CDKAL1: variants seen among roughly 807,000 people sequenced by gnomAD.
The protein encoded by CDKAL1 is threonylcarbamoyladenosine tRNA methylthiotransferase.
A neutral mutation model predicts 68.2 loss-of-function variants in CDKAL1; 32 were observed. That is an observed-to-expected ratio of 0.47 (90% CI 0.35 to 0.63). The LOEUF (loss-of-function observed/expected upper bound fraction) is 0.63, where lower values mean the gene tolerates loss of function less well. Ranked by LOEUF, CDKAL1 falls within the 30% of genes least tolerant of loss-of-function variation. The pLI is 0.00. For synonymous variants in CDKAL1, 234 were observed against 244.3 expected (o/e 0.96, Z 0.39); for missense variants, 606 against 696.7 (o/e 0.87, Z 1.47).
intron 5 of CDKAL1, among the ~76,000 whole-genome samples, chr6:20,718,392 A>G (rs1772191390): frequency 6.6e-6 from 1 of 152,170 alleles, no homozygotes; most frequent in African/African-American, 2.4e-5. Flanking sequence ...ACAGTTCCCT[A>G]GGACCACCCC....
intron 5 of CDKAL1, among the ~76,000 whole-genome samples, chr6:20,676,495 A>G (rs915501167): frequency 2.0e-5 from 3 of 151,918 alleles, no homozygotes; most frequent in East Asian, 1.9e-4. Flanking sequence ...GTGAAACCCC[A>G]TCTCTACTAA....
intron 11 of CDKAL1, among the ~76,000 whole-genome samples, chr6:21,028,423 G>A (rs1769082335): frequency 2.0e-5 from 3 of 152,156 alleles, no homozygotes; most frequent in Admixed American, 2.0e-4. Flanking sequence ...TTTAGAGGCT[G>A]CAAGTCCCAG....
intron 10 of CDKAL1, among the ~76,000 whole-genome samples, chr6:20,996,934 C>G (rs954021888): frequency 1.3e-5 from 2 of 152,194 alleles, no homozygotes; most frequent in African/African-American, 4.8e-5. Flanking sequence ...TGTTTACCTA[C>G]TTGAATATAT....
intron 11 of CDKAL1, among the ~76,000 whole-genome samples, chr6:21,026,256 T>C (rs1393952207): frequency 6.6e-6 from 1 of 152,176 alleles, no homozygotes; most frequent in East Asian, 1.9e-4. Context: ...TTTTCTGTTC[T>C]GTATGTTCAC....
intron 5 of CDKAL1, among the ~76,000 whole-genome samples, chr6:20,733,960 C>G (rs1773070264): frequency 6.6e-6 from 1 of 151,770 alleles, no homozygotes; most frequent in South Asian, 2.1e-4. Context: ...ACCAGGCTGG[C>G]CAACATGGTG....
intron 8 of CDKAL1, among the ~76,000 whole-genome samples, chr6:20,790,585 G>T (rs573380630): frequency 2.0e-5 from 3 of 152,284 alleles, no homozygotes; most frequent in East Asian, 3.9e-4. Context: ...GCCTCACTCA[G>T]CCCTGGGCCT....
chr6:20,873,938 A>G (rs542819387), intron 9 of CDKAL1, among the ~76,000 whole-genome samples: 1 of 152,294 alleles, frequency 6.6e-6, no homozygotes, highest in Admixed American at 6.5e-5. Context: ...TTTGGAGGTT[A>G]AGGAGTAGTA....
chr6:21,024,371 G>A (rs1768841994), intron 11 of CDKAL1, among the ~76,000 whole-genome samples: 1 of 152,126 alleles, frequency 6.6e-6, no homozygotes, highest in Admixed American at 6.6e-5. Flanking sequence ...GAAGAGGCCA[G>A]GCATGGTGGC....
chr6:20,942,519 C>T (rs1008159320), intron 9 of CDKAL1, among the ~76,000 whole-genome samples: 2 of 150,914 alleles, frequency 1.3e-5, no homozygotes, highest in African/African-American at 4.8e-5. Context: ...AGTTGGGTGC[C>T]ATCATGCCCA....
chr6:20,922,727 G>A (rs773864434), intron 9 of CDKAL1, among the ~76,000 whole-genome samples: 1 of 152,140 alleles, frequency 6.6e-6, no homozygotes, highest in East Asian at 1.9e-4. Flanking sequence ...ATAGAAGTTT[G>A]TATCTGTAGT....
chr6:20,779,019 G>A (rs1775300460), intron 7 of CDKAL1, among the ~76,000 whole-genome samples: 1 of 152,092 alleles, frequency 6.6e-6, no homozygotes, highest in Non-Finnish European at 1.5e-5. Flanking sequence ...AATACATTTG[G>A]CTGATAATCA....
intron 5 of CDKAL1, among the ~76,000 whole-genome samples, chr6:20,724,126 T>C (rs1772525578): frequency 6.6e-6 from 1 of 152,090 alleles, no homozygotes; most frequent in Non-Finnish European, 1.5e-5. Context: ...TTGGTAGAGA[T>C]GGTGTTTCAC....
intron 15 of CDKAL1, among the ~76,000 whole-genome samples, chr6:21,217,648 C>G (rs945089852): frequency 5.3e-5 from 8 of 152,142 alleles, no homozygotes; most frequent in South Asian, 2.1e-4. Flanking sequence ...CAGGCGTGCA[C>G]TAGCACGCCT....
At chr6:20,906,107 T>G (rs1762218700) in intron 9 of CDKAL1, among the ~76,000 whole-genome samples, 1 of 152,238 alleles carries the variant, frequency 6.6e-6, no homozygotes, top group Non-Finnish European at 1.5e-5. Context: ...TTCTACATGA[T>G]TTTAGAGAGT....
chr6:21,011,126 C>T (rs901887455), intron 11 of CDKAL1, among the ~76,000 whole-genome samples: 1 of 147,554 alleles, frequency 6.8e-6, no homozygotes, highest in Admixed American at 6.9e-5. Flanking sequence ...CACCTGTAAT[C>T]CCAGCACTTT....
chr6:20,586,619 C>G (rs537446951), intron 4 of CDKAL1, among the ~76,000 whole-genome samples: 1 of 152,114 alleles, frequency 6.6e-6, no homozygotes, highest in African/African-American at 2.4e-5. Context: ...GCCTGGGTGA[C>G]GAGTGAAACT....
At chr6:20,766,424 A>G (rs1774706899) in intron 7 of CDKAL1, among the ~76,000 whole-genome samples, 1 of 152,152 alleles carries the variant, frequency 6.6e-6, no homozygotes, top group Admixed American at 6.5e-5. Flanking sequence ...AGGAAAGGAA[A>G]TTACTTTAGG....
Position 20,915,745 on chromosome 6 carries a change from T to C in CDKAL1, c.743-39674T>C, listed in dbSNP as rs188816058. Among the ~76,000 whole-genome samples the C allele has an allele frequency of 7.9e-5, 12 of 152,282 alleles. No homozygotes were observed. The East Asian group carries it at 1.7e-3, about 22-fold the overall frequency. ...AAACTTTTGTTCACACAGAAATATA[T>C]ACATGAATGTTCATAGCAGCTTTAT... is the stretch of plus-strand genomic sequence containing the variant. On this transcript the variant is annotated intron_variant, in intron 9 of 15. Transcript: ENST00000274695.
chr6:20,649,242 G>T, intron 4 of CDKAL1, 51 bp from the exon 5 acceptor site: 1 of 1,249,306 alleles, frequency 8.0e-7, no homozygotes, highest in South Asian at 1.3e-5. Flanking sequence ...GGATATTTTT[G>T]AATGATTAAG....
Sources: allele counts gnomAD v4.1 joint callset (sites outside exome capture counted in the v4.1 genomes callset), GRCh38; gene constraint gnomAD v4.1.1; transcripts MANE v1.5; gene names NCBI Gene and HGNC (gene_info 2026-07-23, HGNC 2026-07-21).